MDGA2: variants seen among roughly 807,000 people sequenced by gnomAD.
The protein encoded by MDGA2 is MAM domain containing glycosylphosphatidylinositol anchor 2.
In MDGA2, 40 loss-of-function variants were observed where a neutral mutation model predicts 117.8. That is an observed-to-expected ratio of 0.34 (90% confidence interval 0.26 to 0.44). The LOEUF is 0.44. MDGA2 is among the 20% of genes least tolerant of loss of function. The pLI, the probability that MDGA2 is intolerant of heterozygous loss-of-function variation, is 1.00. For synonymous variants in MDGA2, 452 were observed against 439.0 expected (o/e 1.03, Z -0.37); for missense variants, 1,123 against 1,250.6 (o/e 0.90, Z 1.54).
chr14:47,614,902 T>C (rs955597946), intron 1 of MDGA2, among the ~76,000 whole-genome samples: 13 of 152,226 alleles, frequency 8.5e-5, no homozygotes, highest in African/African-American at 3.1e-4. Context: ...GAATATTGTA[T>C]CTATTAAGGA....
intron 1 of MDGA2, among the ~76,000 whole-genome samples, chr14:47,365,295 T>C (rs1038890268): frequency 4.6e-5 from 7 of 152,246 alleles, no homozygotes; most frequent in African/African-American, 1.7e-4. Context: ...ACCCCTGCCT[T>C]TCCCTTCTGT....
chr14:47,228,473 C>G (rs910774193), intron 2 of MDGA2, among the ~76,000 whole-genome samples: 6 of 152,122 alleles, frequency 3.9e-5, no homozygotes, highest in African/African-American at 1.4e-4. Context: ...AGTAGATACT[C>G]AACACTTTAT....
At chr14:47,360,588 G>T (rs1417161780) in intron 1 of MDGA2, among the ~76,000 whole-genome samples, 2 of 151,976 alleles carry the variant, frequency 1.3e-5, no homozygotes, top group African/African-American at 2.4e-5. Context: ...ATTGACAAGG[G>T]TATCGAGAAA....
At chr14:47,171,225 T>A (rs1884117195) in intron 3 of MDGA2, among the ~76,000 whole-genome samples, 1 of 152,084 alleles carries the variant, frequency 6.6e-6, no homozygotes, top group Admixed American at 6.6e-5. Flanking sequence ...ATACTGAAGG[T>A]TCTAAATATA....
chr14:47,244,938 A>T (rs565235797), intron 2 of MDGA2, among the ~76,000 whole-genome samples: 1 of 151,984 alleles, frequency 6.6e-6, no homozygotes, highest in East Asian at 1.9e-4. Context: ...GAGAAAACAA[A>T]GATAAAGACC....
intron 14 of MDGA2, among the ~76,000 whole-genome samples, chr14:46,866,392 A>G (rs370299229): frequency 1.3e-5 from 2 of 152,076 alleles, no homozygotes; most frequent in African/African-American, 4.8e-5. Context: ...AAAATCAATT[A>G]AAGATGGATT....
rs576242186 is a variant in MDGA2, at chr14:47,228,949, T to C, written c.421-10754A>G. 2.5e-3 allele frequency among the ~76,000 whole-genome samples: 382 copies of C among 152,122 alleles called. 2 individuals are homozygous for C. Among genetic ancestry groups the C allele is most frequent in the African/African-American group, 9.0e-3 (372 of 41,536 alleles). ...CACCCTCTGCCCAATATATCAAAAT[T>C]CCAGTCTCCCAAAATTAAAGCAAAT... On this transcript the variant is annotated intron_variant, in intron 2 of 16. Transcript: ENST00000399232.
intron 1 of MDGA2, among the ~76,000 whole-genome samples, chr14:47,469,339 G>C (rs1283238998): frequency 6.6e-6 from 1 of 152,032 alleles, no homozygotes; most frequent in Non-Finnish European, 1.5e-5. Flanking sequence ...TGGTGTGTGA[G>C]TTCCCCTTCC....
intron 3 of MDGA2, among the ~76,000 whole-genome samples, chr14:47,154,267 T>C (rs1183279238): frequency 2.6e-5 from 4 of 152,212 alleles, no homozygotes; most frequent in Admixed American, 6.5e-5. Context: ...ATAATTATTA[T>C]TTTAGTGTTA....
chr14:47,265,444 A>T (rs1323894650), intron 2 of MDGA2, among the ~76,000 whole-genome samples: 3 of 152,118 alleles, frequency 2.0e-5, no homozygotes, highest in Non-Finnish European at 4.4e-5. Context: ...CCATGATAGC[A>T]AAATTCATAT....
intron 2 of MDGA2, among the ~76,000 whole-genome samples, chr14:47,270,821 C>T (rs1435133768): frequency 6.6e-6 from 1 of 152,044 alleles, no homozygotes; most frequent in Admixed American, 6.6e-5. Context: ...TGAATATGCT[C>T]TCAAAATAAT....
intron 1 of MDGA2, among the ~76,000 whole-genome samples, chr14:47,483,028 AT>A (rs1336463739): frequency 6.6e-6 from 1 of 152,064 alleles, no homozygotes; most frequent in African/African-American, 2.4e-5. Context: ...CAGTGAAAAC[AT>A]TTTACTGAAC....
intron 6 of MDGA2, among the ~76,000 whole-genome samples, chr14:47,070,105 TTAAA>T (rs1213343377): frequency 6.6e-6 from 1 of 152,170 alleles, no homozygotes; most frequent in East Asian, 1.9e-4. Flanking sequence ...AAATGTACAA[TTAAA>T]TAATCATAAT....
At chr14:47,173,775 A>C (rs1884298231) in intron 3 of MDGA2, among the ~76,000 whole-genome samples, 1 of 152,210 alleles carries the variant, frequency 6.6e-6, no homozygotes, top group South Asian at 2.1e-4. Flanking sequence ...CATCATAATG[A>C]CAGGATCAAA....
At chr14:46,950,707 C>T (rs887586082) in intron 9 of MDGA2, among the ~76,000 whole-genome samples, 3 of 151,972 alleles carry the variant, frequency 2.0e-5, no homozygotes, top group South Asian at 2.1e-4. Flanking sequence ...TTAGACTGCT[C>T]TTACTTCTGA....
In MDGA2 at chr14:47,044,767, T is replaced by C. The variant is rs565290376; in HGVS notation, c.1526-9463A>G. Among the ~76,000 whole-genome samples, 16 of 152,180 alleles carry C rather than the reference T, an allele frequency of 1.1e-4. No homozygotes were observed. The East Asian group carries it at 3.1e-3, about 29-fold the overall frequency. ...AGAAAGCCCACATTAAAAACAAACATGAGGTTAAAATACCACAGCATGTGC... is the reference window on the plus strand; with the variant it reads ...AGAAAGCCCACATTAAAAACAAACACGAGGTTAAAATACCACAGCATGTGC... On this transcript the variant is annotated intron_variant, in intron 7 of 16. Coordinates refer to ENST00000399232, the MANE Select transcript of MDGA2 (RefSeq NM_001113498.3).
chr14:47,083,877 T>C (rs1025961284), intron 6 of MDGA2, among the ~76,000 whole-genome samples: 1 of 151,910 alleles, frequency 6.6e-6, no homozygotes, highest in African/African-American at 2.4e-5. Flanking sequence ...TCACAGCAAT[T>C]GTAAATCTGT....
Position 46,945,290 on chromosome 14 carries a change from T to C in MDGA2, c.2089+12084A>G, listed in dbSNP as rs563361944. 9.2e-5 allele frequency among the ~76,000 whole-genome samples: 14 copies of C among 152,218 alleles called. No homozygotes were observed. In the South Asian group the frequency reaches 2.9e-3, roughly 32 times the overall value. On this transcript the variant is annotated intron_variant, in intron 9 of 16. Coordinates refer to ENST00000399232, the MANE Select transcript of MDGA2 (RefSeq NM_001113498.3). ...AAATTTTAGCAGAGCTTGGTGTTAG[T>C]CTTTGTTAAGGAGTACCTAGAATAA...
At chr14:47,337,618 G>C (rs1890499795) in intron 1 of MDGA2, among the ~76,000 whole-genome samples, 1 of 151,914 alleles carries the variant, frequency 6.6e-6, no homozygotes, top group South Asian at 2.1e-4. Context: ...TTTAGAAATA[G>C]AGCTGTAAAA....
Sources: allele counts gnomAD v4.1 joint callset (sites outside exome capture counted in the v4.1 genomes callset), GRCh38; gene constraint gnomAD v4.1.1; transcripts MANE v1.5; gene names NCBI Gene and HGNC (gene_info 2026-07-23, HGNC 2026-07-21).